The following FSTL5 variants were observed in gnomAD, a reference collection of about 807,000 sequenced individuals.
FSTL5 encodes follistatin like 5.
A neutral mutation model predicts 89.1 loss-of-function variants in FSTL5; 62 were observed. The observed-to-expected ratio is 0.70, with a 90% CI of 0.57 to 0.86. The LOEUF (loss-of-function observed/expected upper bound fraction) is 0.86. Among genes scored for constraint, FSTL5 ranks in the 40% least tolerant of loss-of-function variants. The pLI is 0.00. For missense variants in FSTL5, 1,057 were observed against 1,001.6 expected (o/e 1.06, Z -0.75); for synonymous variants, 383 against 346.2 (o/e 1.11, Z -1.18).
chr4:161,635,019 A>G (rs1735637779), intron 7 of FSTL5, among the ~76,000 whole-genome samples: 1 of 149,972 alleles, frequency 6.7e-6, no homozygotes, highest in Admixed American at 6.7e-5. Flanking sequence ...TTTATTTGTC[A>G]ATTATACCTC....
chr4:162,118,859 C>T (rs1731750133), intron 1 of FSTL5, among the ~76,000 whole-genome samples: 1 of 151,524 alleles, frequency 6.6e-6, no homozygotes, highest in Non-Finnish European at 1.5e-5. Flanking sequence ...ATATGACTAC[C>T]ATAAAGAAAA....
chr4:161,971,859 T>C (rs1015390813), intron 3 of FSTL5, among the ~76,000 whole-genome samples: 2 of 152,120 alleles, frequency 1.3e-5, no homozygotes, highest in Non-Finnish European at 2.9e-5. Context: ...GGTATTGAAA[T>C]TATTCTCTCA....
intron 7 of FSTL5, among the ~76,000 whole-genome samples, chr4:161,631,021 C>T (rs891992694): frequency 6.6e-6 from 1 of 152,120 alleles, no homozygotes; most frequent in Non-Finnish European, 1.5e-5. Context: ...AAAATATAAG[C>T]AAATTAACTC....
intron 1 of FSTL5, among the ~76,000 whole-genome samples, chr4:162,122,032 A>G (rs13110363): frequency 0.2 from 30,415 of 151,932 alleles, 4,087 homozygotes; most frequent in African/African-American, 0.37. Context: ...TTGACTGTTT[A>G]TGTTATAGGC....
At chr4:162,067,150 C>A (rs892785098) in intron 2 of FSTL5, among the ~76,000 whole-genome samples, 44 of 152,184 alleles carry the variant, frequency 2.9e-4, no homozygotes, top group East Asian at 7.8e-4. Flanking sequence ...CTCAAGCAAT[C>A]CTTTAACCTC....
At chr4:161,424,024 CTTTTTTTTT>C (rs11287729) in intron 15 of FSTL5, among the ~76,000 whole-genome samples, 52 of 75,382 alleles carry the variant, frequency 6.9e-4, no homozygotes, top group African/African-American at 2.4e-3. Flanking sequence ...GCCCATCATT[CTTTTTTTTT>C]TTTTTTTTTT....
At chr4:161,413,729 A>C (rs1415685058) in intron 15 of FSTL5, among the ~76,000 whole-genome samples, 1 of 152,238 alleles carries the variant, frequency 6.6e-6, no homozygotes, top group Non-Finnish European at 1.5e-5. Context: ...GAACCATGGA[A>C]TACTACATAG....
intron 8 of FSTL5, among the ~76,000 whole-genome samples, chr4:161,570,266 T>C (rs1560958500): frequency 1.3e-5 from 2 of 152,072 alleles, no homozygotes; most frequent in Non-Finnish European, 2.9e-5. Context: ...GTAAGCTTCA[T>C]TGAAAATGTG....
intron 6 of FSTL5, among the ~76,000 whole-genome samples, chr4:161,687,336 C>T (rs1193127332): frequency 6.6e-6 from 1 of 151,984 alleles, no homozygotes; most frequent in East Asian, 1.9e-4. Flanking sequence ...CATATAAGAC[C>T]CATCTTTATA....
At chr4:161,677,550 T>C (rs962335382) in intron 6 of FSTL5, among the ~76,000 whole-genome samples, 1 of 152,004 alleles carries the variant, frequency 6.6e-6, no homozygotes, top group African/African-American at 2.4e-5. Context: ...TTAGTAGTAT[T>C]GGAAAATCAC....
chr4:161,584,721 C>T (rs554551859), intron 8 of FSTL5, among the ~76,000 whole-genome samples: 47 of 152,250 alleles, frequency 3.1e-4, no homozygotes, highest in African/African-American at 1.1e-3. Flanking sequence ...AATAATTGCA[C>T]ACAAGTACTG....
intron 6 of FSTL5, among the ~76,000 whole-genome samples, chr4:161,658,222 G>A (rs966213060): frequency 2.0e-5 from 3 of 151,824 alleles, no homozygotes; most frequent in Non-Finnish European, 4.4e-5. Context: ...TTTCAGCATC[G>A]GGAGGCAGAG....
intron 2 of FSTL5, among the ~76,000 whole-genome samples, chr4:162,071,691 C>T (rs1408032176): frequency 6.6e-6 from 1 of 151,764 alleles, no homozygotes; most frequent in Non-Finnish European, 1.5e-5. Context: ...GATGAATACA[C>T]ATTCTTCTCA....
rs1377465624 is a variant in FSTL5 at position 161,655,415 on chromosome 4, A to AGT, written c.894+912_894+913insAC. Reference sequence around the variant, plus strand: ...CCAGTGAACACATGACCCCAGATTGACCAATCAGAGTATTACATTCTTGTA... The same window carrying AGT: ...CCAGTGAACACATGACCCCAGATTGAGTCCAATCAGAGTATTACATTCTTGTA... On this transcript the variant is annotated intron_variant, in intron 7 of 15. Transcript: ENST00000306100. 2.6e-4 allele frequency among the ~76,000 whole-genome samples: 40 copies of AGT among 152,172 alleles called. 1 individual carries two copies. Among genetic ancestry groups the AGT allele is most frequent in the African/African-American group, 9.6e-4 (40 of 41,532 alleles).
In FSTL5 at chr4:161,779,800, T is replaced by TAC. The variant is rs1741580946; in HGVS notation, c.410-3727_410-3726insGT. Among the ~76,000 whole-genome samples the TAC allele has an allele frequency of 1.0e-4, 6 of 57,204 alleles. 1 individual carries two copies. The highest frequency in any genetic ancestry group is 5.1e-4 in the African/African-American group (3 of 5,876). The allele number at this position is 57,204 out of a possible 152,430, so 37.5% of individuals were successfully genotyped here. A position where few individuals can be genotyped will look rare whatever the true frequency, so the allele number is the denominator to read the frequency against. ...GTATATATATATATATATATATATA[T>TAC]ATATATATATGTATATATATATATA... On this transcript the variant is annotated intron_variant, in intron 4 of 15. Transcript: ENST00000306100.
intron 12 of FSTL5, among the ~76,000 whole-genome samples, chr4:161,491,512 G>A (rs1413053247): frequency 9.2e-5 from 14 of 151,722 alleles, no homozygotes; most frequent in African/African-American, 1.7e-4. Flanking sequence ...AGAACTGATC[G>A]CTTCTTTTTC....
At chr4:161,924,567 A>G (rs1197297013) in intron 3 of FSTL5, among the ~76,000 whole-genome samples, 1 of 151,744 alleles carries the variant, frequency 6.6e-6, no homozygotes, top group African/African-American at 2.4e-5. Flanking sequence ...AGCGTAAGAT[A>G]GGACTTGAAC....
At chr4:161,636,928 T>C (rs1196445622) in intron 7 of FSTL5, among the ~76,000 whole-genome samples, 2 of 94,760 alleles carry the variant, frequency 2.1e-5, no homozygotes, top group Admixed American at 2.7e-4. Flanking sequence ...AACATATGTG[T>C]GCATGTGTCT....
At chr4:161,458,920 T>C (rs112578800) in intron 14 of FSTL5, among the ~76,000 whole-genome samples, 95 of 152,338 alleles carry the variant, frequency 6.2e-4, no homozygotes, top group Middle Eastern at 3.4e-3. Flanking sequence ...TTACCAAAAT[T>C]GTTAAAAAGT....
Sources: gnomAD v4.1 joint callset for allele counts (sites outside exome capture counted in the v4.1 genomes callset) on GRCh38, gnomAD v4.1.1 for gene constraint, MANE v1.5 for transcripts, NCBI Gene and HGNC (gene_info 2026-07-23, HGNC 2026-07-21) for gene names.